The following PGLYRP4 variants were observed in gnomAD, a reference collection of about 807,000 sequenced individuals.
PGLYRP4 encodes PGRP-I-beta.
Under a neutral mutation model 41.2 loss-of-function variants are expected in PGLYRP4, and 39 were observed. The observed-to-expected ratio is 0.95, with a 90% CI of 0.73 to 1.24. The LOEUF is 1.24. PGLYRP4 is among the 50% of genes most tolerant of loss of function. The pLI, the probability that PGLYRP4 is intolerant of heterozygous loss-of-function variation, is 0.00. For missense variants in PGLYRP4, 467 were observed against 460.7 expected, an observed-to-expected ratio of 1.01 and a Z score of -0.13; for synonymous variants, 202 against 186.8, an observed-to-expected ratio of 1.08 and a Z score of -0.66.
intron 8 of PGLYRP4, among the ~76,000 whole-genome samples, chr1:153,334,117 GT>G (rs1364521919): frequency 2.0e-5 from 3 of 151,910 alleles, no homozygotes; most frequent in African/African-American, 7.3e-5. Context: ...AATCATCTCT[GT>G]TCACTGATGA....
intron 5 of PGLYRP4, among the ~76,000 whole-genome samples, chr1:153,342,660 T>A (rs1265063104): frequency 2.0e-5 from 3 of 151,422 alleles, no homozygotes; most frequent in African/African-American, 7.3e-5. Context: ...TTTAGAAATA[T>A]ATAGAAAATC....
chr1:153,347,105 C>T (rs1057432645), intron 2 of PGLYRP4, among the ~76,000 whole-genome samples: 5 of 152,086 alleles, frequency 3.3e-5, no homozygotes, highest in Non-Finnish European at 7.4e-5. Flanking sequence ...GACGGACTCT[C>T]ACTCTGTCAC....
Sources: gnomAD v4.1 joint callset for allele counts (sites outside exome capture counted in the v4.1 genomes callset) on GRCh38, gnomAD v4.1.1 for gene constraint, MANE v1.5 for transcripts, NCBI Gene and HGNC (gene_info 2026-07-23, HGNC 2026-07-21) for gene names.